The following BRD2 variants were observed in gnomAD, a reference collection of about 807,000 sequenced individuals.
BRD2 encodes bromodomain-containing protein 2.
In BRD2, 15 loss-of-function variants were observed where a neutral mutation model predicts 79.1. That is an observed-to-expected ratio of 0.19 (90% confidence interval 0.13 to 0.29). The LOEUF (loss-of-function observed/expected upper bound fraction) is 0.29, where lower values mean the gene tolerates loss of function less well. Ranked by LOEUF, BRD2 falls within the 10% of genes least tolerant of loss-of-function variation. The probability of loss-of-function intolerance (pLI) is 1.00; values close to 1 mark genes in which losing one functional copy is unlikely to be tolerated. For synonymous variants in BRD2, 488 were observed against 358.6 expected (o/e 1.36, Z -4.08); for missense variants, 1,053 against 991.3 (o/e 1.06, Z -0.84).
chr6:32,977,716 A>G (rs1008439554), intron 8 of BRD2, 41 bp from the exon 9 acceptor site: 1 of 1,611,102 alleles, frequency 6.2e-7, no homozygotes, highest in Non-Finnish European at 8.5e-7. Context: ...TATGTAGGGC[A>G]CTGTTTATCA....
rs575656392 is a variant in BRD2, at chr6:32,980,812, C to T, written c.*94C>T. The T allele has an allele frequency of 1.2e-5, 17 of 1,451,070 alleles. No homozygotes were observed. The highest frequency in any genetic ancestry group is 2.3e-5 in the East Asian group (1 of 43,500). The allele number at this position is 1,451,070 out of a possible 1,614,324, so 89.9% of individuals were successfully genotyped here. A position where few individuals can be genotyped will look rare whatever the true frequency, so the allele number is the denominator to read the frequency against. ...CCCTTCCCCCTTTGCTGTGACACTT[C>T]TTCATCTCACCCCCCCCCGCCCCCC... On this transcript the variant is annotated 3_prime_UTR_variant, in exon 13 of 13. Transcript: ENST00000374825.
chr6:32,977,683 A>T (rs1778944428), intron 8 of BRD2, 74 bp from the exon 9 acceptor site: 1 of 1,604,182 alleles, frequency 6.2e-7, no homozygotes, highest in Non-Finnish European at 8.5e-7. Flanking sequence ...TGTAAATTGG[A>T]GCTATATCAC....
chr6:32,980,817 T>G lies in BRD2; in HGVS notation c.*99T>G. ...CCCCCTTTGCTGTGACACTTCTTCA[T>G]CTCACCCCCCCCCGCCCCCCTCTAG... is the stretch of plus-strand genomic sequence containing the variant. On this transcript the variant is annotated 3_prime_UTR_variant, in exon 13 of 13. Coordinates refer to ENST00000374825, the MANE Select transcript of BRD2 (RefSeq NM_005104.4). 7.1e-7 allele frequency: 1 copy of G among 1,416,124 alleles called. No homozygotes were observed. The highest frequency in any genetic ancestry group is 9.7e-7 in the Non-Finnish European group (1 of 1,027,670). The allele number at this position is 1,416,124 out of a possible 1,614,324, so 87.7% of individuals were successfully genotyped here.
rs757887351 is a variant in BRD2 at position 32,975,423 on chromosome 6, A to G, written c.373A>G (p.Thr125Ala). The G allele has an allele frequency of 3.1e-6, 5 of 1,610,122 alleles. No homozygotes were observed. The highest frequency in any genetic ancestry group is 4.2e-6 in the Non-Finnish European group (5 of 1,177,454). The part of the protein sequence containing the change: ...KIIKQPMDMG[T>A]IKRRLENNYY... ...TATAAAACAGCCTATGGACATGGGTACTATTAAGAGGAGACTTGAAAACAA... is the reference window on the plus strand; with the variant it reads ...TATAAAACAGCCTATGGACATGGGTGCTATTAAGAGGAGACTTGAAAACAA... Residue 125 changes from threonine (T) to alanine (A), a missense_variant, in exon 4 of 13, where the codon ACT (threonine) becomes GCT (alanine). Coordinates refer to ENST00000374825, the MANE Select transcript of BRD2 (RefSeq NM_005104.4).
At chr6:32,975,101 C>G in intron 3 of BRD2, 1 of 1,509,428 alleles carries the variant, frequency 6.6e-7, no homozygotes, top group Middle Eastern at 1.7e-4. Context: ...CCATGGATAG[C>G]CAGCCCCAGA....
At chr6:32,974,809 A>G in intron 3 of BRD2, 44 bp downstream of exon 3, 1 of 1,588,032 alleles carries the variant, frequency 6.3e-7, no homozygotes, top group Non-Finnish European at 8.6e-7. Flanking sequence ...GATGAGCAAG[A>G]ATGCGTGTGA....
Position 32,972,173 on chromosome 6 carries a change from A to C in BRD2, c.-726A>C. 61 of 561,366 alleles carry C rather than the reference A, an allele frequency of 1.1e-4. No individual in the cohort carries two copies. The highest frequency in any genetic ancestry group is 2.4e-4 in the East Asian group (7 of 29,398). 34.8% of individuals were successfully genotyped at this position (561,366 alleles called of 1,614,324 possible). A position where few individuals can be genotyped will look rare whatever the true frequency, so the allele number is the denominator to read the frequency against. ...AGCTCCTCCTCCCCGCCTATATATA[A>C]AGGGCTGGCGCGGGGCTCGGCGGCG... On this transcript the variant is annotated 5_prime_UTR_variant, in exon 2 of 13. Transcript: ENST00000374825.
At chr6:32,969,268 AC>A (rs1777734839) in intron 1 of BRD2, 7 of 696,390 alleles carry the variant, frequency 1.0e-5, no homozygotes, top group South Asian at 9.1e-5. Flanking sequence ...ATGCCTCCGT[AC>A]CCATTGGAGG....
intron 11 of BRD2, 31 bp from the exon 12 acceptor site, chr6:32,980,311 T>C: frequency 6.2e-7 from 1 of 1,611,164 alleles, no homozygotes; most frequent in South Asian, 1.1e-5. Flanking sequence ...TGGGGCAATC[T>C]TAATGTATCC....
chr6:32,975,184 C>T (rs1778560081), intron 3 of BRD2, 200 bp from the exon 4 acceptor site: 1 of 1,330,394 alleles, frequency 7.5e-7, no homozygotes, highest in Non-Finnish European at 1.0e-6. Flanking sequence ...GCAGGGGCCT[C>T]CCTGTGGATG....
rs73409619 is a variant in BRD2 at position 32,971,963 on chromosome 6, T to A, written c.-936T>A. On this transcript the variant is annotated 5_prime_UTR_variant, in exon 2 of 13. Transcript: ENST00000374825. Reference sequence around the variant, plus strand: ...CCTGTGGGTCTCTGCGGCACTCTTCTGCCTGGTGACTGACACCTTGGAAAT... The same window carrying A: ...CCTGTGGGTCTCTGCGGCACTCTTCAGCCTGGTGACTGACACCTTGGAAAT... 7.1e-6 allele frequency: 5 copies of A among 702,980 alleles called. No homozygotes were observed. Among genetic ancestry groups the A allele is most frequent in the South Asian group, 3.0e-5 (2 of 67,592 alleles). 43.5% of individuals were successfully genotyped at this position (702,980 alleles called of 1,614,324 possible). A position where few individuals can be genotyped will look rare whatever the true frequency, so the allele number is the denominator to read the frequency against.
rs370640038 is a variant in BRD2, at chr6:32,981,037, A to G, written c.*319A>G. ...AGTTACCTGAGGCCACAGCTGCCCTATTCACTTCTAAGGGCCCTGTTTTGA... is the reference window on the plus strand; with the variant it reads ...AGTTACCTGAGGCCACAGCTGCCCTGTTCACTTCTAAGGGCCCTGTTTTGA... On this transcript the variant is annotated 3_prime_UTR_variant, in exon 13 of 13. Coordinates refer to ENST00000374825, the MANE Select transcript of BRD2 (RefSeq NM_005104.4). 3.3e-3 allele frequency: 1,054 copies of G among 323,692 alleles called. 23 individuals are homozygous for G. The highest frequency in any genetic ancestry group is 0.029 in the South Asian group (610 of 21,318). 20.1% of individuals were successfully genotyped at this position (323,692 alleles called of 1,614,324 possible).
chr6:32,968,691 C>T lies in BRD2; in HGVS notation c.-1670C>T, dbSNP rs1162977280. The T allele has an allele frequency of 6.5e-6, 1 of 153,336 alleles. No homozygotes were observed. Among genetic ancestry groups the T allele is most frequent in the African/African-American group, 2.4e-5 (1 of 41,468 alleles). The allele number at this position is 153,336 out of a possible 1,614,324, so 9.5% of individuals were successfully genotyped here. ...CGGGATAGGAAGCTGGGGATATGGA[C>T]AAGCAGCAGCGTTATAGCGCTCTGG... On this transcript the variant is annotated 5_prime_UTR_variant, in exon 1 of 13. It introduces an in-frame stop codon into an upstream open reading frame of the 5' UTR. Coordinates refer to ENST00000374825, the MANE Select transcript of BRD2 (RefSeq NM_005104.4).
chr6:32,969,406 G>T, intron 1 of BRD2: 1 of 715,210 alleles, frequency 1.4e-6, no homozygotes, highest in South Asian at 1.5e-5. Flanking sequence ...GGTGGGCTGA[G>T]GAGTGGTGGC....
chr6:32,975,207 T>C lies in BRD2; in HGVS notation c.334-177T>C, dbSNP rs9391748. ...CTCCCTGTGGATGTCAAGAATCTTT[T>C]TTATTTATTTATTTATTTTGTCCCA... On this transcript the variant is annotated intron_variant, in intron 3 of 12. Transcript: ENST00000374825. The C allele has an allele frequency of 1.0e-3, 1,147 of 1,093,214 alleles. 17 individuals are homozygous for C. The East Asian group carries it at 0.033, about 31-fold the overall frequency. 67.7% of individuals were successfully genotyped at this position (1,093,214 alleles called of 1,614,324 possible).
chr6:32,972,207 T>C lies in BRD2; in HGVS notation c.-692T>C. The stretch of plus-strand genomic sequence containing the variant: ...CGCGGGGCTCGGCGGCGCCATTTCG[T>C]GCTGGAGTGGAGCAGCCTCTAGAAC... On this transcript the variant is annotated 5_prime_UTR_variant, in exon 2 of 13. Coordinates refer to ENST00000374825, the MANE Select transcript of BRD2 (RefSeq NM_005104.4). 1 of 537,422 alleles carries C rather than the reference T, an allele frequency of 1.9e-6. No homozygotes were observed. The highest frequency in any genetic ancestry group is 1.9e-5 in the South Asian group (1 of 52,210). The allele number at this position is 537,422 out of a possible 1,614,324, so 33.3% of individuals were successfully genotyped here. A position where few individuals can be genotyped will look rare whatever the true frequency, so the allele number is the denominator to read the frequency against.
At chr6:32,979,061 G>GTTTTTTTTTT (rs1561957386) in intron 10 of BRD2, 17 of 78,970 alleles carry the variant, frequency 2.2e-4, no homozygotes, top group South Asian at 4.0e-4. Flanking sequence ...TTTTTTGTTA[G>GTTTTTTTTTT]TTTGTTTTTT....
intron 10 of BRD2, 100 bp downstream of exon 10, chr6:32,978,488 GATACA>G: frequency 6.6e-7 from 1 of 1,525,424 alleles, no homozygotes; most frequent in Non-Finnish European, 8.8e-7. Context: ...CCAGTTAACA[GATACA>G]ATAGGCTTTG....
At chr6:32,975,233 C>T (rs1778567496) in intron 3 of BRD2, 151 bp from the exon 4 acceptor site, 3 of 1,202,658 alleles carry the variant, frequency 2.5e-6, no homozygotes, top group South Asian at 1.5e-5. Flanking sequence ...TTTTGTCCCA[C>T]AGTTTAATTG....
Sources: allele counts gnomAD v4.1 joint callset, GRCh38; gene constraint gnomAD v4.1.1; transcripts MANE v1.5; gene names NCBI Gene and HGNC (gene_info 2026-07-23, HGNC 2026-07-21).